COX11: variants seen among roughly 807,000 people sequenced by gnomAD.
The protein encoded by COX11 is cytochrome c oxidase assembly protein COX11, mitochondrial.
Under a neutral mutation model 29.4 loss-of-function variants are expected in COX11, and 18 were observed. The observed-to-expected ratio is 0.61, with a 90% CI of 0.42 to 0.91. The LOEUF is 0.91. Ranked by LOEUF, COX11 falls within the 40% of genes least tolerant of loss-of-function variation. The pLI is 0.00. For synonymous variants in COX11, 131 were observed against 124.0 expected, an observed-to-expected ratio of 1.06 and a Z score of -0.38; for missense variants, 312 against 346.0, an observed-to-expected ratio of 0.90 and a Z score of 0.78.
Position 54,961,362 on chromosome 17 carries a change from G to A in COX11, c.*1371C>T, listed in dbSNP as rs1598101553. 1 of 1,551,002 alleles carries A rather than the reference G, an allele frequency of 6.4e-7. No individual in the cohort carries two copies. Among genetic ancestry groups the A allele is most frequent in the East Asian group, 2.4e-5 (1 of 40,900 alleles). On this transcript the variant is annotated 3_prime_UTR_variant, in exon 4 of 4. Transcript: ENST00000299335. The stretch of plus-strand genomic sequence containing the variant: ...GTCAAAGCCATGGTGGCACATTTCT[G>A]CTATAATGAAGATTAAATAGAATAA...
In COX11 at chr17:54,952,619, C is replaced by A. The variant is rs2143989891; in HGVS notation, n.2531G>T. The stretch of plus-strand genomic sequence containing the variant: ...ACCAAGAGGCTTGGGCATGGACCTT[C>A]CTAATGTTAACTTCCTATTTCCCCT... On this transcript the variant is annotated non_coding_transcript_exon_variant, in exon 1 of 1. Transcript: ENST00000572088. 2.6e-5 allele frequency: 4 copies of A among 151,810 alleles called. No individual in the cohort carries two copies. The Middle Eastern group carries it at 0.014, about 527-fold the overall frequency. The allele number at this position is 151,810 out of a possible 1,614,324, so 9.4% of individuals were successfully genotyped here.
rs2077094943 is a variant in COX11, at chr17:54,960,597, C to A, written c.*2136G>T. 1 of 1,612,906 alleles carries A rather than the reference C, an allele frequency of 6.2e-7. No individual in the cohort carries two copies. The highest frequency in any genetic ancestry group is 1.7e-5 in the Admixed American group (1 of 59,992). On this transcript the variant is annotated 3_prime_UTR_variant, in exon 4 of 4. Coordinates refer to ENST00000299335, the MANE Select transcript of COX11 (RefSeq NM_004375.5). ...TTATGAAGAAATTGATGCTCACCAG[C>A]ACAAAGGAGCTCAAAATGATGGTGA...
At position 54,960,538 on chromosome 17, in the gene COX11, C is replaced by T; in HGVS notation, c.*2195G>A. 6.3e-7 allele frequency: 1 copy of T among 1,593,458 alleles called. No individual in the cohort carries two copies. The highest frequency in any genetic ancestry group is 1.3e-5 in the African/African-American group (1 of 74,566). ...ATAGCACTTTGAAATTGATACATAACCCTTTTGCTGTGATGGCTTTGTTTC... is the reference window on the plus strand; with the variant it reads ...ATAGCACTTTGAAATTGATACATAATCCTTTTGCTGTGATGGCTTTGTTTC... On this transcript the variant is annotated 3_prime_UTR_variant, in exon 4 of 4. Transcript: ENST00000299335.
Position 54,960,621 on chromosome 17 carries a change from G to A in COX11, c.*2112C>T. On this transcript the variant is annotated 3_prime_UTR_variant, in exon 4 of 4. Coordinates refer to ENST00000299335, the MANE Select transcript of COX11 (RefSeq NM_004375.5). ...GCACAAAGGAGCTCAAAATGATGGT[G>A]ACTGAGGTAAAGACTTCAACTTATA... 1 of 1,609,672 alleles carries A rather than the reference G, an allele frequency of 6.2e-7. No homozygotes were observed. The highest frequency in any genetic ancestry group is 8.5e-7 in the Non-Finnish European group (1 of 1,176,574).
downstream of COX11, chr17:54,958,402 T>C (rs1385582575): frequency 3.9e-5 from 6 of 152,234 alleles, no homozygotes; most frequent in Admixed American, 3.9e-4. Context: ...TAAGTACAGA[T>C]AACTTCTTAG....
chr17:54,953,369 A>G (rs1023528853), exon 1 of COX11: 6 of 152,324 alleles, frequency 3.9e-5, no homozygotes, highest in African/African-American at 1.4e-4. Context: ...TGTCTCAAAC[A>G]AACGAAAAAA....
At chr17:54,967,279 G>A (rs897462123) in intron 1 of COX11, among the ~76,000 whole-genome samples, 2 of 152,090 alleles carry the variant, frequency 1.3e-5, no homozygotes, top group Non-Finnish European at 2.9e-5. Flanking sequence ...AATGAATTTT[G>A]GGAGCCACTA....
upstream of COX11, chr17:54,968,674 T>C (rs1175950080): frequency 1.9e-6 from 3 of 1,590,340 alleles, no homozygotes; most frequent in Non-Finnish European, 1.7e-6. Context: ...CCCACCCGCC[T>C]CTCAGGGACG....
At chr17:54,963,484 C>A in intron 2 of COX11, 53 bp from the exon 3 acceptor site, 1 of 1,532,414 alleles carries the variant, frequency 6.5e-7, no homozygotes, top group Non-Finnish European at 8.8e-7. Flanking sequence ...CAAAGTTCCT[C>A]TTTTCCCTGC....
Position 54,961,224 on chromosome 17 carries a change from C to G in COX11, c.*1509G>C, listed in dbSNP as rs1168910123. 2.7e-5 allele frequency: 40 copies of G among 1,503,276 alleles called. No homozygotes were observed. Among genetic ancestry groups the G allele is most frequent in the Non-Finnish European group, 3.4e-5 (37 of 1,102,938 alleles). 93.1% of individuals were successfully genotyped at this position (1,503,276 alleles called of 1,614,324 possible). On this transcript the variant is annotated 3_prime_UTR_variant, in exon 4 of 4. Coordinates refer to ENST00000299335, the MANE Select transcript of COX11 (RefSeq NM_004375.5). The stretch of plus-strand genomic sequence containing the variant: ...GGATGAATACTGGCCATTTTCTTCT[C>G]TTTATTTTAGAAGAAAGTGGATGAT...
rs2077148769 is a variant in COX11, at chr17:54,962,578, G to A, written c.*155C>T. Reference sequence around the variant, plus strand: ...GTTTCTTATGATAAAAGCTGAACTTGTTCTCTCAAGTTTAAGTGAAAAAAA... The same window carrying A: ...GTTTCTTATGATAAAAGCTGAACTTATTCTCTCAAGTTTAAGTGAAAAAAA... On this transcript the variant is annotated 3_prime_UTR_variant, in exon 4 of 4. Transcript: ENST00000299335. 2 of 1,342,514 alleles carry A rather than the reference G, an allele frequency of 1.5e-6. No homozygotes were observed. The highest frequency in any genetic ancestry group is 3.5e-5 in the Admixed American group (1 of 28,338). The allele number at this position is 1,342,514 out of a possible 1,614,324, so 83.2% of individuals were successfully genotyped here.
downstream of COX11, among the ~76,000 whole-genome samples, chr17:54,958,663 G>A (rs980664709): frequency 6.8e-6 from 1 of 146,804 alleles, no homozygotes; most frequent in Non-Finnish European, 1.5e-5. Context: ...CCAGGAGGTA[G>A]AGGCTGCAGT....
chr17:54,957,401 T>C (rs2049570297), downstream of COX11: 2 of 152,224 alleles, frequency 1.3e-5, no homozygotes, highest in African/African-American at 4.8e-5. Flanking sequence ...TAACTAGGTA[T>C]GCTTTCTAGA....
chr17:54,958,305 T>C (rs2077003295), downstream of COX11: 1 of 152,248 alleles, frequency 6.6e-6, no homozygotes, highest in Non-Finnish European at 1.5e-5. Context: ...TTGATGATTT[T>C]AGTAAAAGCT....
chr17:54,962,639 C>A lies in COX11; in HGVS notation c.*94G>T. Reference sequence around the variant, plus strand: ...AAAAATAATTATTTAAAATATAAGCCTTCATATTATTGTACAATATTTCTC... The same window carrying A: ...AAAAATAATTATTTAAAATATAAGCATTCATATTATTGTACAATATTTCTC... On this transcript the variant is annotated 3_prime_UTR_variant, in exon 4 of 4. Transcript: ENST00000299335. 9 of 1,449,268 alleles carry A rather than the reference C, an allele frequency of 6.2e-6. No homozygotes were observed. Among genetic ancestry groups the A allele is most frequent in the South Asian group, 4.3e-5 (3 of 69,872 alleles). 89.8% of individuals were successfully genotyped at this position (1,449,268 alleles called of 1,614,324 possible).
At chr17:54,957,759 G>A (rs970613418), downstream of COX11, 2 of 152,170 alleles carry the variant, frequency 1.3e-5, no homozygotes, top group Non-Finnish European at 2.9e-5. Context: ...CAAACAGTAT[G>A]TTTATGAAGA....
At chr17:54,960,364 CA>C (rs992887896), downstream of COX11, among the ~76,000 whole-genome samples, 1 of 147,760 alleles carries the variant, frequency 6.8e-6, no homozygotes, top group Non-Finnish European at 1.5e-5. Context: ...GACTCTGTCT[CA>C]AAAAAAAAGA....
At chr17:54,958,043 A>G, downstream of COX11, 1 of 152,208 alleles carries the variant, frequency 6.6e-6, no homozygotes, top group East Asian at 1.9e-4. Context: ...TTCTTAGTTA[A>G]GTGAAAAGTT....
intron 1 of COX11, among the ~76,000 whole-genome samples, chr17:54,966,438 C>T (rs1385423877): frequency 6.6e-6 from 1 of 152,114 alleles, no homozygotes; most frequent in African/African-American, 2.4e-5. Flanking sequence ...CAGTTTGGGG[C>T]AGGGTTTCTC....
Sources: allele counts gnomAD v4.1 joint callset (sites outside exome capture counted in the v4.1 genomes callset), GRCh38; gene constraint gnomAD v4.1.1; transcripts MANE v1.5; gene names NCBI Gene and HGNC (gene_info 2026-07-23, HGNC 2026-07-21).